Variants in FUCA1 observed in about 807,000 individuals in gnomAD.
The protein encoded by FUCA1 is tissue alpha-L-fucosidase.
A neutral mutation model predicts 56.8 loss-of-function variants in FUCA1; 52 were observed. The observed-to-expected ratio is 0.92, with a 90% CI of 0.73 to 1.15. FUCA1 has a LOEUF of 1.15. Among genes scored for constraint, FUCA1 ranks in the 50% most tolerant of loss-of-function variants. The pLI, the probability that FUCA1 is intolerant of heterozygous loss-of-function variation, is 0.00. For synonymous variants in FUCA1, 230 were observed against 226.6 expected, an observed-to-expected ratio of 1.02 and a Z score of -0.14; for missense variants, 568 against 592.6, an observed-to-expected ratio of 0.96 and a Z score of 0.43.
intron 5 of FUCA1, among the ~76,000 whole-genome samples, chr1:23,852,857 C>T (rs1385307314): frequency 3.9e-5 from 6 of 151,976 alleles, no homozygotes; most frequent in African/African-American, 1.4e-4. Flanking sequence ...CTGCCTTGGC[C>T]TCCCAAAGTG....
At chr1:23,853,055 C>A (rs1405551448) in intron 5 of FUCA1, among the ~76,000 whole-genome samples, 5 of 144,670 alleles carry the variant, frequency 3.5e-5, no homozygotes, top group Non-Finnish European at 7.5e-5. Context: ...GGCCGCCATC[C>A]CATCTAGGAA....
At position 23,867,441 on chromosome 1, in the gene FUCA1, G is replaced by C. The variant is rs1450837908; in HGVS notation, c.389+457C>G. ...AGAACTCCCCTCTCTTTCCCTCTTA[G>C]AGACATTAGGGCTCAAAGGGTTGTA... is the stretch of plus-strand genomic sequence containing the variant. On this transcript the variant is annotated intron_variant, in intron 1 of 7. Transcript: ENST00000374479. The surrounding 1 kb of genome is among the most constrained non-coding windows in gnomAD (Gnocchi z 4.9). Among the ~76,000 whole-genome samples the C allele has an allele frequency of 6.6e-6, 1 of 152,170 alleles. No homozygotes were observed. The highest frequency in any genetic ancestry group is 1.9e-4 in the East Asian group (1 of 5,204).
At position 23,846,156 on chromosome 1, in the gene FUCA1, G is replaced by A. The variant is rs149168482; in HGVS notation, c.1178C>T (p.Ser393Leu). ...GTGCAGAAAAATGGCATAAACAGCC[G>A]ATCCCTTTGAGGTATACCTGGGAAA... is the stretch of plus-strand genomic sequence containing the variant. ...TTSVWYTSKG[S>L]AVYAIFLHWP... Residue 393 changes from serine to leucine, a missense_variant, in exon 7 of 8, where the codon TCG (serine) becomes TTG (leucine). Ser to Leu is a moderately radical substitution (Grantham distance 145). Coordinates refer to ENST00000374479, the MANE Select transcript of FUCA1 (RefSeq NM_000147.5). The A allele has an allele frequency of 1.5e-5, 24 of 1,613,402 alleles. No homozygotes were observed. Among genetic ancestry groups the A allele is most frequent in the African/African-American group, 8.0e-5 (6 of 74,896 alleles).
chr1:23,845,930 G>A, intron 7 of FUCA1, 75 bp from the exon 8 acceptor site: 1 of 1,588,224 alleles, frequency 6.3e-7, no homozygotes, highest in Non-Finnish European at 8.6e-7. Context: ...ACTATGGTAG[G>A]AAACAGCCAC....
intron 3 of FUCA1, among the ~76,000 whole-genome samples, chr1:23,860,692 G>A (rs775403179): frequency 2.3e-4 from 34 of 149,798 alleles, no homozygotes; most frequent in Non-Finnish European, 4.7e-4. Flanking sequence ...AGGCTGGAGT[G>A]CAGTGCTGTG....
chr1:23,852,828 A>G (rs1180735240), intron 5 of FUCA1, among the ~76,000 whole-genome samples: 1 of 151,230 alleles, frequency 6.6e-6, no homozygotes, highest in South Asian at 2.1e-4. Flanking sequence ...GCTCGCTACA[A>G]CCTCCACCTC....
intron 6 of FUCA1, 61 bp from the exon 7 acceptor site, chr1:23,846,234 T>C (rs1639137420): frequency 9.5e-7 from 1 of 1,053,974 alleles, no homozygotes; most frequent in Non-Finnish European, 1.5e-6. Context: ...TATACAACTT[T>C]ATACATTTCC....
chr1:23,854,708 A>G (rs1332782974), intron 4 of FUCA1, 148 bp from the exon 5 acceptor site: 20 of 720,538 alleles, frequency 2.8e-5, no homozygotes, highest in African/African-American at 1.4e-4. Flanking sequence ...TGGAGGGGAC[A>G]TTTGGTAAAG....
In FUCA1 at chr1:23,852,494, C is replaced by CCTCTCT. The variant is rs1488119263; in HGVS notation, c.969+1860_969+1865dup. 5.5e-3 allele frequency among the ~76,000 whole-genome samples: 837 copies of CCTCTCT among 151,408 alleles called. 2 individuals carry two copies. The highest frequency in any genetic ancestry group is 0.014 in the Middle Eastern group (4 of 294). On this transcript the variant is annotated intron_variant, in intron 5 of 7. Transcript: ENST00000374479. Reference sequence around the variant, plus strand: ...TCCCTCTCCCCACGGTCTCCCTCTCCCTCTCTTTCCACGGTCTCCCACTGA... The same window carrying CCTCTCT: ...TCCCTCTCCCCACGGTCTCCCTCTCCCTCTCTCTCTCTTTCCACGGTCTCCCACTGA...
chr1:23,867,905 C>T lies in FUCA1; in HGVS notation c.382G>A (p.Gly128Ser). The change falls in exon 1 of 8, where the codon GGC (glycine) becomes AGC (serine). Residue 128 changes from glycine to serine, a missense_variant. Transcript: ENST00000374479. The surrounding 1 kb of genome is among the most constrained non-coding windows in gnomAD (Gnocchi z 4.9). ...EEWADLFQAA[G>S]AKYVVLTTKH... The stretch of plus-strand genomic sequence containing the variant: ...CCCCGGGACCACACTCACTTGGCGC[C>T]CGCGGCCTGGAAGAGGTCGGCCCAC... 9 of 1,548,470 alleles carry T rather than the reference C, an allele frequency of 5.8e-6. No individual in the cohort carries two copies. Among genetic ancestry groups the T allele is most frequent in the Non-Finnish European group, 7.8e-6 (9 of 1,146,560 alleles).
chr1:23,849,993 T>C (rs1240433698), intron 5 of FUCA1, among the ~76,000 whole-genome samples: 1 of 152,052 alleles, frequency 6.6e-6, no homozygotes, highest in Non-Finnish European at 1.5e-5. Flanking sequence ...TAAGGTTATA[T>C]AGAGAAAATT....
chr1:23,853,377 T>C (rs1174505466), intron 5 of FUCA1, among the ~76,000 whole-genome samples: 2 of 143,974 alleles, frequency 1.4e-5, no homozygotes, highest in Non-Finnish European at 3.0e-5. Flanking sequence ...AGCCGCCCCG[T>C]CCGGGAGGGA....
At position 23,853,362 on chromosome 1, in the gene FUCA1, C is replaced by T. The variant is rs80054712; in HGVS notation, c.969+998G>A. Among the ~76,000 whole-genome samples the T allele has an allele frequency of 5.4e-5, 8 of 149,434 alleles. No individual in the cohort carries two copies. In the East Asian group the frequency reaches 6.1e-4, roughly 11 times the overall value. ...AGGGAGGTGGGGGTCAGCCCCCGCC[C>T]GGCCAGCCGCCCCGTCCGGGAGGGA... is the stretch of plus-strand genomic sequence containing the variant. On this transcript the variant is annotated intron_variant, in intron 5 of 7. Transcript: ENST00000374479.
At position 23,865,447 on chromosome 1, in the gene FUCA1, C is replaced by G. The variant is rs377197719; in HGVS notation, c.524+44G>C. On this transcript the variant is annotated intron_variant, in intron 2 of 7. Coordinates refer to ENST00000374479, the MANE Select transcript of FUCA1 (RefSeq NM_000147.5). ...AGAGGAGGTACAGAACTCTTGACAG[C>G]CAGATCCAAAGAGATAACAGAGTAA... is the stretch of plus-strand genomic sequence containing the variant. 1.4e-4 allele frequency: 223 copies of G among 1,613,528 alleles called. 1 individual carries two copies. Among genetic ancestry groups the G allele is most frequent in the Non-Finnish European group, 1.8e-4 (215 of 1,179,590 alleles).
At chr1:23,849,887 TAC>T (rs1639222240) in intron 5 of FUCA1, among the ~76,000 whole-genome samples, 1 of 152,044 alleles carries the variant, frequency 6.6e-6, no homozygotes, top group Admixed American at 6.6e-5. Context: ...AGCCAAGAGA[TAC>T]ATTCTTTAAG....
Position 23,865,680 on chromosome 1 carries a change from C to T in FUCA1, c.390-55G>A, listed in dbSNP as rs1029452710. 2.5e-6 allele frequency: 4 copies of T among 1,608,006 alleles called. No homozygotes were observed. In the South Asian group the frequency reaches 3.3e-5, roughly 13 times the overall value. On this transcript the variant is annotated intron_variant, in intron 1 of 7. Coordinates refer to ENST00000374479, the MANE Select transcript of FUCA1 (RefSeq NM_000147.5). ...GAAGTGGGCAGTGAACTTGCATGAACTTGCCCAGCATGCCTGAGGCTTTTT... is the reference window on the plus strand; with the variant it reads ...GAAGTGGGCAGTGAACTTGCATGAATTTGCCCAGCATGCCTGAGGCTTTTT...
In FUCA1 at chr1:23,852,100, T is replaced by TAATAATAATAATAATAATAAA. The variant is rs370893792; in HGVS notation, c.969+2259_969+2260insTTTATTATTATTATTATTATT. 2.1e-3 allele frequency among the ~76,000 whole-genome samples: 309 copies of TAATAATAATAATAATAATAAA among 149,770 alleles called. 1 individual carries two copies. The highest frequency in any genetic ancestry group is 6.5e-3 in the African/African-American group (265 of 40,746). On this transcript the variant is annotated intron_variant, in intron 5 of 7. Transcript: ENST00000374479. ...AAGGTAATAATAATAATAATAATAATAAAAAGTGGTTTGAGATCCATAGTT... is the reference window on the plus strand; with the variant it reads ...AAGGTAATAATAATAATAATAATAATAATAATAATAATAATAATAAAAAAAAGTGGTTTGAGATCCATAGTT...
intron 4 of FUCA1, among the ~76,000 whole-genome samples, chr1:23,858,809 G>A (rs769358677): frequency 2.6e-5 from 4 of 152,118 alleles, no homozygotes; most frequent in Non-Finnish European, 4.4e-5. Flanking sequence ...GTACAATGGC[G>A]TGATCTAGGT....
Position 23,867,612 on chromosome 1 carries a change from G to T in FUCA1, c.389+286C>A. On this transcript the variant is annotated intron_variant, in intron 1 of 7. Transcript: ENST00000374479. This position sits in a 1 kb window ranked among gnomAD's most constrained non-coding sequence, Gnocchi z 4.9. Reference sequence around the variant, plus strand: ...CTGATAGTGCTGTCAATCTGAAAGGGACATCAGGTATGGCCTAACTCAGCC... The same window carrying T: ...CTGATAGTGCTGTCAATCTGAAAGGTACATCAGGTATGGCCTAACTCAGCC... The T allele has an allele frequency of 1.8e-6, 1 of 543,638 alleles. No individual in the cohort carries two copies. Among genetic ancestry groups the T allele is most frequent in the Non-Finnish European group, 2.3e-6 (1 of 425,992 alleles). 33.7% of individuals were successfully genotyped at this position (543,638 alleles called of 1,614,324 possible). A position where few individuals can be genotyped will look rare whatever the true frequency, so the allele number is the denominator to read the frequency against.
Sources: allele counts gnomAD v4.1 joint callset (sites outside exome capture counted in the v4.1 genomes callset), GRCh38; gene constraint gnomAD v4.1.1; non-coding constraint Gnocchi (gnomAD v3.1); transcripts MANE v1.5; gene names NCBI Gene and HGNC (gene_info 2026-07-23, HGNC 2026-07-21).